The following MCPH1 variants were observed in gnomAD, a reference collection of about 807,000 sequenced individuals.
The protein encoded by MCPH1 is microcephalin 1, also known as microcephalin.
MCPH1 carries 104 observed loss-of-function variants against 84.5 expected under a neutral mutation model. The ratio of observed to expected loss-of-function variants is 1.23; its 90% CI spans 1.05 to 1.45. The LOEUF is 1.45. Among genes scored for constraint, MCPH1 ranks in the 40% most tolerant of loss-of-function variants. MCPH1 has a pLI of 0.00. For synonymous variants in MCPH1, 514 were observed against 366.8 expected (o/e 1.40, Z -4.58); for missense variants, 1,498 against 1,005.7 (o/e 1.49, Z -6.62).
At chr8:6,588,548 T>C (rs1261612681) in intron 12 of MCPH1, among the ~76,000 whole-genome samples, 2 of 152,210 alleles carry the variant, frequency 1.3e-5, no homozygotes, top group African/African-American at 4.8e-5. Context: ...CCAGCCGGGC[T>C]CCTGGAGTGG....
chr8:6,533,071 A>C (rs1421057110), intron 12 of MCPH1, among the ~76,000 whole-genome samples: 1 of 152,200 alleles, frequency 6.6e-6, no homozygotes, highest in Non-Finnish European at 1.5e-5. Context: ...GTATTGAGTT[A>C]ATTCGACCTA....
intron 13 of MCPH1, among the ~76,000 whole-genome samples, chr8:6,640,364 C>T (rs1797864630): frequency 6.6e-6 from 1 of 151,992 alleles, no homozygotes; most frequent in African/African-American, 2.4e-5. Flanking sequence ...TTCCCATGTC[C>T]AGTACTGGAC....
chr8:6,419,559 AT>A (rs34375855), intron 3 of MCPH1, among the ~76,000 whole-genome samples: 125,284 of 138,216 alleles, frequency 0.91, 57,461 homozygotes, highest in South Asian at 0.99. Flanking sequence ...CACCTGGCTA[AT>A]TTTTTTTTTT....
intron 3 of MCPH1, among the ~76,000 whole-genome samples, chr8:6,426,957 C>T (rs181801663): frequency 1.1e-4 from 16 of 152,150 alleles, no homozygotes; most frequent in African/African-American, 2.9e-4. Context: ...TTCTGAGAAA[C>T]GAATAGGTGA....
chr8:6,431,266 A>G (rs1041097783), intron 3 of MCPH1, among the ~76,000 whole-genome samples: 5 of 152,158 alleles, frequency 3.3e-5, no homozygotes, highest in Non-Finnish European at 5.9e-5. Flanking sequence ...TAAAAATTGT[A>G]CTTCCTTTAC....
At chr8:6,533,369 C>T (rs1819895125) in intron 12 of MCPH1, among the ~76,000 whole-genome samples, 2 of 152,126 alleles carry the variant, frequency 1.3e-5, no homozygotes, top group African/African-American at 4.8e-5. Context: ...TGGGAAGAGC[C>T]TTTGGGCTTG....
rs1019072640 is a variant in MCPH1, at chr8:6,636,374, T to G, written c.2453-6620T>G. Among the ~76,000 whole-genome samples, 5 of 147,668 alleles carry G rather than the reference T, an allele frequency of 3.4e-5. No individual in the cohort carries two copies. In the East Asian group the frequency reaches 8.0e-4, roughly 24 times the overall value. On this transcript the variant is annotated intron_variant, in intron 13 of 13. Coordinates refer to ENST00000344683, the MANE Select transcript of MCPH1 (RefSeq NM_024596.5). ...AAAAAGTCACAGTCAGGAATGAGGG[T>G]GATGCCACACAACCACTGATTGTCC...
chr8:6,534,393 G>A (rs1339459246), intron 12 of MCPH1, among the ~76,000 whole-genome samples: 1 of 152,134 alleles, frequency 6.6e-6, no homozygotes, highest in Non-Finnish European at 1.5e-5. Flanking sequence ...CTTGAGCACC[G>A]TGGATTTTGG....
chr8:6,596,565 C>G (rs980490481), intron 12 of MCPH1, among the ~76,000 whole-genome samples: 1 of 152,072 alleles, frequency 6.6e-6, no homozygotes, highest in Non-Finnish European at 1.5e-5. Context: ...AGTAAGGAAG[C>G]CAGACTCTGG....
At chr8:6,514,545 T>C in intron 12 of MCPH1, 2 of 780,970 alleles carry the variant, frequency 2.6e-6, no homozygotes, top group South Asian at 3.3e-5. Flanking sequence ...AAGGGGAGAC[T>C]GAAGCACCAA....
At chr8:6,558,073 C>G (rs1457989046) in intron 12 of MCPH1, among the ~76,000 whole-genome samples, 2 of 152,256 alleles carry the variant, frequency 1.3e-5, no homozygotes, top group African/African-American at 2.4e-5. Context: ...AAATTTTGCT[C>G]TTTGTTCCTA....
At chr8:6,408,682 C>A (rs1798093438) in intron 1 of MCPH1, among the ~76,000 whole-genome samples, 3 of 151,756 alleles carry the variant, frequency 2.0e-5, no homozygotes, top group Non-Finnish European at 4.4e-5. Flanking sequence ...CCATTTCCCA[C>A]CCAGTAGCTG....
intron 13 of MCPH1, among the ~76,000 whole-genome samples, chr8:6,629,348 G>C: frequency 6.6e-6 from 1 of 152,196 alleles, no homozygotes; most frequent in East Asian, 1.9e-4. Context: ...TGCAATCCCA[G>C]CTACTTGGGA....
Position 6,551,881 on chromosome 8 carries a change from T to G in MCPH1, c.2214+51952T>G, listed in dbSNP as rs1161900252. 5.3e-5 allele frequency among the ~76,000 whole-genome samples: 8 copies of G among 152,322 alleles called. No individual in the cohort carries two copies. The South Asian group carries it at 1.7e-3, about 32-fold the overall frequency. On this transcript the variant is annotated intron_variant, in intron 12 of 13. Transcript: ENST00000344683. Reference sequence around the variant, plus strand: ...CCAACATTTCCCATTAAGACCAGTTTGTTTAGGGAATTTTTAAGCTACATC... The same window carrying G: ...CCAACATTTCCCATTAAGACCAGTTGGTTTAGGGAATTTTTAAGCTACATC...
intron 7 of MCPH1, among the ~76,000 whole-genome samples, 169 bp downstream of exon 7, chr8:6,442,325 T>A (rs1803640189): frequency 7.0e-6 from 1 of 143,214 alleles, no homozygotes. Flanking sequence ...AAGGCATGAG[T>A]TAAACTTCCT....
intron 9 of MCPH1, among the ~76,000 whole-genome samples, chr8:6,471,024 G>A (rs1005818638): frequency 2.6e-5 from 4 of 152,106 alleles, no homozygotes; most frequent in Admixed American, 6.5e-5. Flanking sequence ...TTTAAGTATC[G>A]AAGGTCCTTT....
At chr8:6,539,920 T>TA (rs1756971455) in intron 12 of MCPH1, among the ~76,000 whole-genome samples, 1 of 152,208 alleles carries the variant, frequency 6.6e-6, no homozygotes, top group Admixed American at 6.5e-5. Flanking sequence ...TCTGATACTG[T>TA]ATCTAGATAA....
At chr8:6,616,317 T>C (rs537568838) in intron 12 of MCPH1, 1 of 151,626 alleles carries the variant, frequency 6.6e-6, no homozygotes, top group Admixed American at 6.6e-5. Flanking sequence ...TGGGCTGGAG[T>C]AAATGAACCG....
chr8:6,447,243 C>T (rs937855456), intron 8 of MCPH1: 2 of 985,372 alleles, frequency 2.0e-6, no homozygotes, highest in Non-Finnish European at 2.4e-6. Context: ...TGAACCAACT[C>T]TCTTTGGGAA....
Sources: allele counts gnomAD v4.1 joint callset (sites outside exome capture counted in the v4.1 genomes callset), GRCh38; gene constraint gnomAD v4.1.1; transcripts MANE v1.5; gene names NCBI Gene and HGNC (gene_info 2026-07-23, HGNC 2026-07-21).